The following GNA14 variants were observed in gnomAD, a reference collection of about 807,000 sequenced individuals.
The protein encoded by GNA14 is guanine nucleotide-binding protein subunit alpha-14.
GNA14 carries 50 observed loss-of-function variants against 42.0 expected under a neutral mutation model. The ratio of observed to expected loss-of-function variants is 1.19; its 90% CI spans 0.95 to 1.51. GNA14 has a LOEUF of 1.51. Ranked by LOEUF, GNA14 falls within the 40% of genes most tolerant of loss-of-function variation. GNA14 has a pLI of 0.00. For synonymous variants in GNA14, 173 were observed against 163.1 expected, an observed-to-expected ratio of 1.06 and a Z score of -0.46; for missense variants, 473 against 446.2, an observed-to-expected ratio of 1.06 and a Z score of -0.54.
intron 2 of GNA14, among the ~76,000 whole-genome samples, chr9:77,451,723 C>T (rs544996506): frequency 6.6e-6 from 1 of 152,306 alleles, no homozygotes; most frequent in South Asian, 2.1e-4. Context: ...GACAAGCCAA[C>T]GTGCAGCAAA....
intron 2 of GNA14, among the ~76,000 whole-genome samples, chr9:77,495,514 A>G (rs575904146): frequency 1.3e-5 from 2 of 152,290 alleles, no homozygotes; most frequent in South Asian, 4.1e-4. Flanking sequence ...TACGAATAAG[A>G]AATGAACTTC....
At chr9:77,431,956 C>G (rs1835562813) in intron 3 of GNA14, among the ~76,000 whole-genome samples, 1 of 152,122 alleles carries the variant, frequency 6.6e-6, no homozygotes. Flanking sequence ...TTCAAAACAA[C>G]AGCAACAAGA....
At chr9:77,543,478 T>C (rs1454917228) in intron 1 of GNA14, among the ~76,000 whole-genome samples, 1 of 152,210 alleles carries the variant, frequency 6.6e-6, no homozygotes, top group East Asian at 1.9e-4. Context: ...TGCCATATTG[T>C]AGCTGCTCAG....
intron 2 of GNA14, among the ~76,000 whole-genome samples, chr9:77,519,653 G>T (rs1000258349): frequency 6.6e-6 from 1 of 152,122 alleles, no homozygotes. Flanking sequence ...TACGTAGGGT[G>T]GGAGGTGGTG....
chr9:77,488,435 C>T (rs1174928819), intron 2 of GNA14, among the ~76,000 whole-genome samples: 1 of 152,174 alleles, frequency 6.6e-6, no homozygotes, highest in African/African-American at 2.4e-5. Context: ...TCACTGAGGA[C>T]AGCCAGAAAC....
intron 2 of GNA14, among the ~76,000 whole-genome samples, chr9:77,507,071 G>A (rs578003152): frequency 6.6e-6 from 1 of 152,318 alleles, no homozygotes; most frequent in South Asian, 2.1e-4. Context: ...CCAGTTGAAA[G>A]TAAGTTCAGA....
chr9:77,506,995 A>G (rs1219544435), intron 2 of GNA14, among the ~76,000 whole-genome samples: 1 of 152,188 alleles, frequency 6.6e-6, no homozygotes, highest in Non-Finnish European at 1.5e-5. Flanking sequence ...TGGAAATCTT[A>G]TTTGGAAGTG....
intron 1 of GNA14, among the ~76,000 whole-genome samples, chr9:77,644,874 G>C (rs1824330039): frequency 6.6e-6 from 1 of 152,118 alleles, no homozygotes; most frequent in Non-Finnish European, 1.5e-5. Context: ...TCCCTATGCT[G>C]ATCAGTACTC....
At position 77,515,759 on chromosome 9, in the gene GNA14, T is replaced by C. The variant is rs116705187; in HGVS notation, c.309+13310A>G. Among the ~76,000 whole-genome samples the C allele has an allele frequency of 9.2e-3, 1,375 of 149,948 alleles. 23 individuals carry two copies. Among genetic ancestry groups the C allele is most frequent in the African/African-American group, 0.032 (1,307 of 40,770 alleles). Reference sequence around the variant, plus strand: ...TAGGAGGATCACTTGTGTCTAGGAGTTCAAGACCAGCCTGGGCAACATAGG... The same window carrying C: ...TAGGAGGATCACTTGTGTCTAGGAGCTCAAGACCAGCCTGGGCAACATAGG... On this transcript the variant is annotated intron_variant, in intron 2 of 6. Coordinates refer to ENST00000341700, the MANE Select transcript of GNA14 (RefSeq NM_004297.4).
At chr9:77,528,050 T>C (rs1467613521) in intron 2 of GNA14, among the ~76,000 whole-genome samples, 1 of 152,206 alleles carries the variant, frequency 6.6e-6, no homozygotes, top group Non-Finnish European at 1.5e-5. Context: ...ATTGTAGAGA[T>C]GAGGTAAAGG....
At chr9:77,578,118 A>G (rs1038732911) in intron 1 of GNA14, among the ~76,000 whole-genome samples, 1 of 152,176 alleles carries the variant, frequency 6.6e-6, no homozygotes, top group African/African-American at 2.4e-5. Flanking sequence ...TACTAAAAAA[A>G]TACAAAAATT....
intron 2 of GNA14, among the ~76,000 whole-genome samples, chr9:77,482,644 G>C (rs559710301): frequency 6.6e-6 from 1 of 152,302 alleles, no homozygotes; most frequent in African/African-American, 2.4e-5. Context: ...ATATCCTGCA[G>C]AGTGTTTTCC....
chr9:77,469,464 A>C (rs1252228390), intron 2 of GNA14, among the ~76,000 whole-genome samples: 2 of 151,540 alleles, frequency 1.3e-5, no homozygotes, highest in Non-Finnish European at 2.9e-5. Context: ...TCACCCTAAA[A>C]TTAATTAAGA....
chr9:77,581,914 C>A (rs1305126765), intron 1 of GNA14, among the ~76,000 whole-genome samples: 1 of 152,178 alleles, frequency 6.6e-6, no homozygotes, highest in Non-Finnish European at 1.5e-5. Flanking sequence ...AATCTGGAAC[C>A]TCAGAACCGT....
At chr9:77,441,084 C>T (rs1317860072) in intron 2 of GNA14, among the ~76,000 whole-genome samples, 2 of 152,278 alleles carry the variant, frequency 1.3e-5, no homozygotes, top group African/African-American at 2.4e-5. Context: ...ATCTCTTGAG[C>T]AAATTGCTCC....
chr9:77,533,306 A>G (rs1446640117), intron 1 of GNA14, among the ~76,000 whole-genome samples: 1 of 152,134 alleles, frequency 6.6e-6, no homozygotes, highest in Non-Finnish European at 1.5e-5. Flanking sequence ...CAGCCTCCCC[A>G]GTAGCTGGGA....
At chr9:77,498,389 GAAAAA>G (rs763098068) in intron 2 of GNA14, among the ~76,000 whole-genome samples, 1 of 122,030 alleles carries the variant, frequency 8.2e-6, no homozygotes, top group African/African-American at 3.2e-5. Context: ...AAAAAAAAAA[GAAAAA>G]AAAGAAAAAG....
chr9:77,514,412 G>A (rs369144793), intron 2 of GNA14, among the ~76,000 whole-genome samples: 2 of 152,054 alleles, frequency 1.3e-5, no homozygotes, highest in African/African-American at 4.8e-5. Flanking sequence ...TATTGAGCCC[G>A]AAGGGATGCA....
chr9:77,536,709 C>A (rs1408044141), intron 1 of GNA14, among the ~76,000 whole-genome samples: 1 of 152,166 alleles, frequency 6.6e-6, no homozygotes, highest in Non-Finnish European at 1.5e-5. Context: ...CCAAGAAGAG[C>A]AGCAATTCCA....
Sources: gnomAD v4.1 joint callset for allele counts (sites outside exome capture counted in the v4.1 genomes callset) on GRCh38, gnomAD v4.1.1 for gene constraint, MANE v1.5 for transcripts, NCBI Gene and HGNC (gene_info 2026-07-23, HGNC 2026-07-21) for gene names.